DNAI7: variants seen among roughly 807,000 people sequenced by gnomAD.
DNAI7 encodes dynein axonemal intermediate chain 7.
Under a neutral mutation model 86.6 loss-of-function variants are expected in DNAI7, and 78 were observed. That is an observed-to-expected ratio of 0.90 (90% CI 0.75 to 1.09). The LOEUF is 1.09. Ranked by LOEUF, DNAI7 falls within the 50% of genes least tolerant of loss-of-function variation. The pLI is 0.00. For missense variants in DNAI7, 753 were observed against 810.2 expected, an observed-to-expected ratio of 0.93 and a Z score of 0.86; for synonymous variants, 274 against 273.0, an observed-to-expected ratio of 1.00 and a Z score of -0.04.
chr12:25,179,599 C>A (rs1350574930), intron 2 of DNAI7, among the ~76,000 whole-genome samples: 1 of 152,038 alleles, frequency 6.6e-6, no homozygotes, highest in Admixed American at 6.5e-5. Flanking sequence ...CTAATCAAGT[C>A]TTTATCATCA....
chr12:25,142,149 T>C (rs941334287), intron 9 of DNAI7, among the ~76,000 whole-genome samples: 2 of 152,158 alleles, frequency 1.3e-5, no homozygotes, highest in Non-Finnish European at 2.9e-5. Context: ...ATGTGTACCA[T>C]GGAATACCAC....
At chr12:25,108,054 A>C, downstream of DNAI7, 1 of 1,613,438 alleles carries the variant, frequency 6.2e-7, no homozygotes, top group Non-Finnish European at 8.5e-7. Flanking sequence ...GGCCACCACC[A>C]GTGTGACAGC....
chr12:25,139,432 C>T (rs149594555), intron 9 of DNAI7, among the ~76,000 whole-genome samples: 3,534 of 152,218 alleles, frequency 0.023, 54 homozygotes, highest in Non-Finnish European at 0.034. Context: ...GACCAATATC[C>T]CTGATGAACA....
chr12:25,137,671 A>G (rs933815433), intron 9 of DNAI7, among the ~76,000 whole-genome samples: 1 of 152,200 alleles, frequency 6.6e-6, no homozygotes, highest in Non-Finnish European at 1.5e-5. Context: ...ATAGAGTCAC[A>G]TAAACTTAAA....
chr12:25,158,414 A>G, intron 4 of DNAI7, 58 bp downstream of exon 4: 1 of 1,383,448 alleles, frequency 7.2e-7, no homozygotes, highest in Non-Finnish European at 1.0e-6. Context: ...TTAAATGACA[A>G]TAAATCTGAT....
intron 10 of DNAI7, 72 bp downstream of exon 10, chr12:25,123,139 A>G: frequency 9.9e-7 from 1 of 1,014,674 alleles, no homozygotes. Flanking sequence ...TTTTTTTAAC[A>G]ATGATCCTGT....
chr12:25,119,211 T>A lies in DNAI7; in HGVS notation c.1330A>T (p.Thr444Ser). The A allele has an allele frequency of 6.2e-7, 1 of 1,613,062 alleles. No homozygotes were observed. The highest frequency in any genetic ancestry group is 8.5e-7 in the Non-Finnish European group (1 of 1,179,330). ...TENAFPPIEVTLEVHENVIFF... is the reference protein window; with the variant it reads ...TENAFPPIEVSLEVHENVIFF... ...ATTACATTCTCATGAACCTCAAGTG[T>A]GACCTCTATAGGTGGGAAAGCATTT... Residue 444 changes from threonine (T) to serine (S), a missense_variant, in exon 12 of 16, where the codon ACA becomes TCA. By Grantham distance (58) the Thr-to-Ser change is moderately conservative. Transcript: ENST00000395987.
At chr12:25,143,464 G>T (rs1369216524) in intron 9 of DNAI7, among the ~76,000 whole-genome samples, 2 of 151,302 alleles carry the variant, frequency 1.3e-5, no homozygotes, top group African/African-American at 4.9e-5. Flanking sequence ...TGGCCAGGCT[G>T]GTCTCGAACT....
At chr12:25,127,785 T>C (rs1024387185) in intron 9 of DNAI7, among the ~76,000 whole-genome samples, 2 of 152,152 alleles carry the variant, frequency 1.3e-5, no homozygotes, top group African/African-American at 4.8e-5. Flanking sequence ...TATAAAAACA[T>C]AACCTATCAT....
intron 9 of DNAI7, among the ~76,000 whole-genome samples, chr12:25,137,191 G>T (rs1943649933): frequency 6.6e-6 from 1 of 152,186 alleles, no homozygotes; most frequent in Non-Finnish European, 1.5e-5. Context: ...TTTCTCAGCA[G>T]AAACCTTACA....
intron 2 of DNAI7, among the ~76,000 whole-genome samples, chr12:25,190,299 TGAA>T (rs976309465): frequency 6.6e-6 from 1 of 151,944 alleles, no homozygotes; most frequent in African/African-American, 2.4e-5. Flanking sequence ...GTATCTAGAG[TGAA>T]GAAAAAGGGG....
intron 2 of DNAI7, among the ~76,000 whole-genome samples, chr12:25,179,417 T>C (rs1258563927): frequency 6.6e-6 from 1 of 152,110 alleles, no homozygotes; most frequent in African/African-American, 2.4e-5. Flanking sequence ...TCCTTACTGA[T>C]TTTTTAAACA....
chr12:25,174,496 C>CATATATATGGGATATATATATGATATATA (rs1565811566), intron 2 of DNAI7, among the ~76,000 whole-genome samples: 1 of 2,890 alleles, frequency 3.5e-4, no homozygotes, highest in Non-Finnish European at 8.7e-4. Context: ...TATCATATAT[C>CATATATATGGGATATATATATGATATATA]CCATATATAT....
chr12:25,164,185 G>C (rs1947159534), intron 2 of DNAI7, among the ~76,000 whole-genome samples: 1 of 147,610 alleles, frequency 6.8e-6, no homozygotes, highest in Non-Finnish European at 1.5e-5. Context: ...TTCTCTCCAT[G>C]TCTACCCCTT....
rs1175463681 is a variant in DNAI7, at chr12:25,194,819, G to A, written c.3+257C>T. The A allele has an allele frequency of 3.3e-6, 5 of 1,504,896 alleles. No homozygotes were observed. In the South Asian group the frequency reaches 3.5e-5, roughly 11 times the overall value. The allele number at this position is 1,504,896 out of a possible 1,614,324, so 93.2% of individuals were successfully genotyped here. ...CCAATTTTCAAGCTTAGCAACATTC[G>A]AGATCAGGATACCGTGTGACAGCTT... On this transcript the variant is annotated intron_variant, in intron 1 of 15. Transcript: ENST00000395987.
chr12:25,190,585 C>A, intron 2 of DNAI7, 29 bp downstream of exon 2: 1 of 1,133,936 alleles, frequency 8.8e-7, no homozygotes, highest in Admixed American at 2.3e-5. Flanking sequence ...GATTATACAA[C>A]TATCTATTTT....
chr12:25,193,669 T>C (rs1028240403), intron 1 of DNAI7, among the ~76,000 whole-genome samples: 13 of 128,662 alleles, frequency 1.0e-4, no homozygotes, highest in South Asian at 3.1e-4. Flanking sequence ...TTGAGAAACA[T>C]TGGGAGAAGG....
chr12:25,166,310 G>A (rs942232729), intron 2 of DNAI7, among the ~76,000 whole-genome samples: 3 of 152,106 alleles, frequency 2.0e-5, no homozygotes, highest in East Asian at 1.9e-4. Flanking sequence ...AAATTGTTTT[G>A]CCTATCCACC....
In DNAI7 at chr12:25,149,700, G is replaced by A. The variant is rs1038399422; in HGVS notation, c.513C>T (p.Tyr171=). 8 of 1,586,988 alleles carry A rather than the reference G, an allele frequency of 5.0e-6. No individual in the cohort carries two copies. Among genetic ancestry groups the A allele is most frequent in the African/African-American group, 1.3e-5 (1 of 74,346 alleles). ...CCTGCAGTTGTAGTATTGATTCTTGGTACTGTATTATATTTTTATCTTGCA... is the reference window on the plus strand; with the variant it reads ...CCTGCAGTTGTAGTATTGATTCTTGATACTGTATTATATTTTTATCTTGCA... ...CDLQDKNIIQ[Y]QESILQLQEL... is the part of the protein sequence containing the mutation. Residue 171 remains tyrosine (Y), a synonymous_variant, in exon 7 of 16, where the codon TAC becomes TAT. Transcript: ENST00000395987.
Sources: gnomAD v4.1 joint callset for allele counts (sites outside exome capture counted in the v4.1 genomes callset) on GRCh38, gnomAD v4.1.1 for gene constraint, MANE v1.5 for transcripts, NCBI Gene and HGNC (gene_info 2026-07-23, HGNC 2026-07-21) for gene names.